Variants in TM9SF3 observed in about 807,000 individuals in gnomAD.
TM9SF3 encodes the protein SM-11044-binding protein.
In TM9SF3, 14 loss-of-function variants were observed where a neutral mutation model predicts 78.6. The observed-to-expected ratio is 0.18, with a 90% CI of 0.12 to 0.28. The LOEUF is 0.28. TM9SF3 is among the 10% of genes least tolerant of loss of function. The pLI, the probability that TM9SF3 is intolerant of heterozygous loss-of-function variation, is 1.00. For synonymous variants in TM9SF3, 231 were observed against 241.7 expected (o/e 0.96, Z 0.41); for missense variants, 496 against 721.9 (o/e 0.69, Z 3.59).
intron 3 of TM9SF3, 76 bp from the exon 4 acceptor site, chr10:96,562,214 AAG>A: frequency 4.8e-6 from 5 of 1,045,730 alleles, no homozygotes; most frequent in Non-Finnish European, 6.6e-6. Context: ...AATGCTCATT[AAG>A]TTTTTTTTTT....
rs371911859 is a variant in TM9SF3, at chr10:96,556,662, AAAAG to A, written c.660+2993_660+2996del. ...TAATGTTTTTCTTACATTTAAAAAA[AAAAG>A]AAAGAAAAATCTCCTAATTCCATTT... On this transcript the variant is annotated intron_variant, in intron 5 of 14. Transcript: ENST00000371142. Among the ~76,000 whole-genome samples the A allele has an allele frequency of 4.6e-5, 7 of 152,270 alleles. No homozygotes were observed. In the East Asian group the frequency reaches 1.2e-3, roughly 25 times the overall value.
chr10:96,539,712 C>T lies in TM9SF3; in HGVS notation c.1185+4364G>A, dbSNP rs534237572. On this transcript the variant is annotated intron_variant, in intron 9 of 14. Transcript: ENST00000371142. ...GCAACTTATCATATGTTAATTTTAC[C>T]TCAGTACATCTGTAAAAACACACAA... Among the ~76,000 whole-genome samples, 7 of 152,044 alleles carry T rather than the reference C, an allele frequency of 4.6e-5. No individual in the cohort carries two copies. The East Asian group carries it at 9.7e-4, about 21-fold the overall frequency.
intron 2 of TM9SF3, 52 bp from the exon 3 acceptor site, chr10:96,565,478 A>C: frequency 6.7e-7 from 1 of 1,497,454 alleles, no homozygotes; most frequent in East Asian, 2.6e-5. Context: ...AAATAGTTAC[A>C]TTAAAAAAAA....
At chr10:96,574,734 T>C (rs1189146277) in intron 2 of TM9SF3, among the ~76,000 whole-genome samples, 1 of 152,214 alleles carries the variant, frequency 6.6e-6, no homozygotes, top group African/African-American at 2.4e-5. Context: ...CATGGAATAC[T>C]ATGCAGCCAC....
Position 96,586,901 on chromosome 10 carries a change from GCCGCCGCCT to G in TM9SF3, c.-75_-67del, listed in dbSNP as rs1443745018. 2.6e-6 allele frequency: 3 copies of G among 1,137,542 alleles called. No homozygotes were observed. Among genetic ancestry groups the G allele is most frequent in the African/African-American group, 1.6e-5 (1 of 60,778 alleles). The allele number at this position is 1,137,542 out of a possible 1,614,324, so 70.5% of individuals were successfully genotyped here. A position where few individuals can be genotyped will look rare whatever the true frequency, so the allele number is the denominator to read the frequency against. ...TCCTCCCGCCGCCGCCTCCTCCGCC[GCCGCCGCCT>G]CCGCCGCGGCCGATTCGCATCCACG... On this transcript the variant is annotated 5_prime_UTR_variant, in exon 1 of 15. Transcript: ENST00000371142.
Position 96,543,344 on chromosome 10 carries a change from C to CTTTTTTTTTTTTTTTTT in TM9SF3, c.1185+731_1185+732insAAAAAAAAAAAAAAAAA, listed in dbSNP as rs398014526. On this transcript the variant is annotated intron_variant, in intron 9 of 14. Transcript: ENST00000371142. ...ATTTACAAAAATGCTTAGTGAGATT[C>CTTTTTTTTTTTTTTTTT]TTTTTTTTGAGATGGAGTCTGGCTC... Among the ~76,000 whole-genome samples, 5 of 136,916 alleles carry CTTTTTTTTTTTTTTTTT rather than the reference C, an allele frequency of 3.7e-5. 1 individual carries two copies. The highest frequency in any genetic ancestry group is 4.6e-5 in the Non-Finnish European group (3 of 65,200). The allele number at this position is 136,916 out of a possible 152,430, so 89.8% of individuals were successfully genotyped here.
chr10:96,579,004 G>C (rs1261145920), intron 1 of TM9SF3, among the ~76,000 whole-genome samples: 1 of 152,226 alleles, frequency 6.6e-6, no homozygotes, highest in African/African-American at 2.4e-5. Context: ...TTGAACCTGG[G>C]AGGTGGAGGT....
At chr10:96,584,623 G>A (rs926040207) in intron 1 of TM9SF3, among the ~76,000 whole-genome samples, 66 of 151,988 alleles carry the variant, frequency 4.3e-4, no homozygotes, top group African/African-American at 1.5e-3. Flanking sequence ...AAGACCAGCC[G>A]GGCCAACATG....
chr10:96,545,184 T>C (rs1025576427), intron 8 of TM9SF3, among the ~76,000 whole-genome samples: 9 of 152,136 alleles, frequency 5.9e-5, no homozygotes, highest in Non-Finnish European at 5.9e-5. Flanking sequence ...CAGCAGAGGG[T>C]AAAGCTGGCA....
At chr10:96,536,010 T>G (rs138596386) in intron 9 of TM9SF3, among the ~76,000 whole-genome samples, 1 of 152,150 alleles carries the variant, frequency 6.6e-6, no homozygotes, top group East Asian at 1.9e-4. Flanking sequence ...GATTAAAGAT[T>G]AGAAAATTAA....
chr10:96,574,418 G>A (rs751836398), intron 2 of TM9SF3, among the ~76,000 whole-genome samples: 1 of 152,154 alleles, frequency 6.6e-6, no homozygotes, highest in South Asian at 2.1e-4. Context: ...AAAAAATCAG[G>A]AAACAACAGA....
At chr10:96,579,419 T>C (rs1344783700) in intron 1 of TM9SF3, among the ~76,000 whole-genome samples, 2 of 152,242 alleles carry the variant, frequency 1.3e-5, no homozygotes, top group African/African-American at 2.4e-5. Context: ...CCTTTAAAAA[T>C]AGACAACATT....
At chr10:96,544,903 A>T (rs1244688759) in intron 8 of TM9SF3, among the ~76,000 whole-genome samples, 3 of 152,136 alleles carry the variant, frequency 2.0e-5, no homozygotes, top group Non-Finnish European at 4.4e-5. Flanking sequence ...CCTTAGCTCT[A>T]AAATTATAAT....
chr10:96,586,858 A>G lies in TM9SF3; in HGVS notation c.-23T>C, dbSNP rs927324895. 5 of 1,199,140 alleles carry G rather than the reference A, an allele frequency of 4.2e-6. No homozygotes were observed. The highest frequency in any genetic ancestry group is 1.6e-5 in the African/African-American group (1 of 61,600). The allele number at this position is 1,199,140 out of a possible 1,614,324, so 74.3% of individuals were successfully genotyped here. On this transcript the variant is annotated 5_prime_UTR_variant, in exon 1 of 15. Transcript: ENST00000371142. ...CATCCTCCGCGCCCCTCCGGCCCGGAGCCGGCTCACCGACTCCTCCTCCCG... is the reference window on the plus strand; with the variant it reads ...CATCCTCCGCGCCCCTCCGGCCCGGGGCCGGCTCACCGACTCCTCCTCCCG...
intron 6 of TM9SF3, among the ~76,000 whole-genome samples, chr10:96,552,367 TGA>T (rs1468128675): frequency 6.6e-6 from 1 of 152,146 alleles, no homozygotes; most frequent in Non-Finnish European, 1.5e-5. Flanking sequence ...CACGATCACT[TGA>T]GCTCTTGAGT....
intron 12 of TM9SF3, among the ~76,000 whole-genome samples, chr10:96,527,770 G>GA (rs1847854781): frequency 1.3e-5 from 2 of 151,936 alleles, no homozygotes; most frequent in Admixed American, 1.3e-4. Flanking sequence ...GTTTAGAATG[G>GA]AGCAATGCTT....
intron 1 of TM9SF3, among the ~76,000 whole-genome samples, chr10:96,579,958 C>G (rs1026782629): frequency 6.6e-6 from 1 of 152,126 alleles, no homozygotes; most frequent in African/African-American, 2.4e-5. Flanking sequence ...CTTTCCTTTC[C>G]CTAAAGCTTT....
intron 3 of TM9SF3, 104 bp from the exon 4 acceptor site, chr10:96,562,242 C>T (rs1221170859): frequency 2.8e-4 from 231 of 812,210 alleles, no homozygotes; most frequent in Middle Eastern, 3.7e-4. Context: ...TTTTTACCTC[C>T]GCCCTCTCTC....
intron 1 of TM9SF3, among the ~76,000 whole-genome samples, chr10:96,577,856 T>C (rs1300536077): frequency 6.6e-6 from 1 of 152,160 alleles, no homozygotes; most frequent in Non-Finnish European, 1.5e-5. Context: ...GGGCACATAA[T>C]AGAAGAAGTG....
Sources: gnomAD v4.1 joint callset for allele counts (sites outside exome capture counted in the v4.1 genomes callset) on GRCh38, gnomAD v4.1.1 for gene constraint, MANE v1.5 for transcripts, NCBI Gene and HGNC (gene_info 2026-07-23, HGNC 2026-07-21) for gene names.